Variants in APOOL observed in about 807,000 individuals in gnomAD.
APOOL encodes the protein MICOS complex subunit MIC27.
APOOL carries 12 observed loss-of-function variants against 23.1 expected under a neutral mutation model. That is an observed-to-expected ratio of 0.52 (90% CI 0.33 to 0.84). The LOEUF (loss-of-function observed/expected upper bound fraction) is 0.84, where lower values mean the gene tolerates loss of function less well. Ranked by LOEUF, APOOL falls within the 40% of genes least tolerant of loss-of-function variation. The pLI is 0.02. For synonymous variants in APOOL, 77 were observed against 69.9 expected (o/e 1.10, Z -0.51); for missense variants, 212 against 199.6 (o/e 1.06, Z -0.37).
Position 85,074,394 on chromosome X carries a change from T to G in APOOL, c.718+3T>G, listed in dbSNP as rs1391637718. The G allele has an allele frequency of 5.1e-5, 61 of 1,207,743 alleles. No homozygotes were observed. Among genetic ancestry groups the G allele is most frequent in the Non-Finnish European group, 6.7e-5 (60 of 894,045 alleles). ...GACCAAATCAGAATCCACTTCAGGT[T>G]TGTTGGGTATAAGTCAATTTTGTTT... On this transcript the variant is annotated splice_donor_region_variant and intron_variant, in intron 8 of 8. Coordinates refer to ENST00000373173, the MANE Select transcript of APOOL (RefSeq NM_198450.6).
At chrX:85,049,494 C>A (rs896513000) in intron 2 of APOOL, among the ~76,000 whole-genome samples, 4 of 111,591 alleles carry the variant, frequency 3.6e-5, no homozygotes, top group African/African-American at 1.3e-4. Flanking sequence ...AGATAAAGAA[C>A]CTGAACCCGT....
intron 5 of APOOL, among the ~76,000 whole-genome samples, chrX:85,061,094 T>G (rs1171748240): frequency 9.0e-6 from 1 of 111,292 alleles, no homozygotes; most frequent in Non-Finnish European, 1.9e-5. Flanking sequence ...GCATGAAGAT[T>G]TGTTGAATTT....
intron 1 of APOOL, among the ~76,000 whole-genome samples, chrX:85,034,877 G>A (rs1358026135): frequency 8.9e-6 from 1 of 111,816 alleles, no homozygotes; most frequent in Non-Finnish European, 1.9e-5. Flanking sequence ...GGGCACCTAG[G>A]TTTATTCCAT....
At chrX:85,038,524 G>GTTTTTTTTT (rs56248244) in intron 1 of APOOL, among the ~76,000 whole-genome samples, 4 of 43,445 alleles carry the variant, frequency 9.2e-5, no homozygotes, top group African/African-American at 4.3e-4. Context: ...TCTGGTACAA[G>GTTTTTTTTT]TTTTTTTTTT....
intron 1 of APOOL, among the ~76,000 whole-genome samples, chrX:85,014,229 A>T (rs1300568342): frequency 9.0e-6 from 1 of 111,101 alleles, no homozygotes; most frequent in Non-Finnish European, 1.9e-5. Context: ...GTGTTAAGTG[A>T]GTCTCAGCAA....
chrX:85,005,130 G>T (rs778533282), intron 1 of APOOL, among the ~76,000 whole-genome samples: 10 of 108,612 alleles, frequency 9.2e-5, no homozygotes, highest in Non-Finnish European at 1.9e-4. Context: ...GATCTCCCCA[G>T]TCTATTTTAT....
At chrX:85,032,758 A>C (rs2147483965) in intron 1 of APOOL, among the ~76,000 whole-genome samples, 1 of 111,641 alleles carries the variant, frequency 9.0e-6, no homozygotes, top group Non-Finnish European at 1.9e-5. Context: ...CTTTACCATT[A>C]ATATTGTATA....
At chrX:85,061,209 C>G (rs1169064212) in intron 5 of APOOL, among the ~76,000 whole-genome samples, 1 of 111,312 alleles carries the variant, frequency 9.0e-6, no homozygotes, top group Non-Finnish European at 1.9e-5. Flanking sequence ...GTTGAACCAG[C>G]CTTGCATCCC....
In APOOL at chrX:85,008,448, T is replaced by A. The variant is rs759132746; in HGVS notation, c.15+4521T>A. Among the ~76,000 whole-genome samples, 3 of 111,314 alleles carry A rather than the reference T, an allele frequency of 2.7e-5. No homozygotes were observed. In the South Asian group the frequency reaches 1.1e-3, roughly 42 times the overall value. ...TTTGTCTTTCTCTGTCTGACTTACT[T>A]CACTCAGCATAATACCCTTGAGGGT... On this transcript the variant is annotated intron_variant, in intron 1 of 8. Transcript: ENST00000373173.
intron 1 of APOOL, among the ~76,000 whole-genome samples, chrX:85,039,693 CT>C (rs1922344793): frequency 9.0e-6 from 1 of 111,288 alleles, no homozygotes; most frequent in South Asian, 3.8e-4. Flanking sequence ...GGTTTAAAGT[CT>C]TTTTTGTGTG....
In APOOL at chrX:85,072,681, A is replaced by G. The variant is rs189833152; in HGVS notation, c.487-1317A>G. 1.3e-3 allele frequency among the ~76,000 whole-genome samples: 143 copies of G among 111,513 alleles called. 3 individuals carry two copies. The East Asian group carries it at 0.031, about 25-fold the overall frequency. On this transcript the variant is annotated intron_variant, in intron 6 of 8. Coordinates refer to ENST00000373173, the MANE Select transcript of APOOL (RefSeq NM_198450.6). ...CAAATTGTGGTGCATACATTATAGA[A>G]TGCTAAACTAAGCAGCAAATTTAAA... is the stretch of plus-strand genomic sequence containing the variant.
chrX:85,029,923 T>C (rs1352233423), intron 1 of APOOL, among the ~76,000 whole-genome samples: 1 of 112,113 alleles, frequency 8.9e-6, no homozygotes. Flanking sequence ...TGTAAATTAG[T>C]ACAACCACTA....
chrX:85,035,552 T>C (rs1397073867), intron 1 of APOOL, among the ~76,000 whole-genome samples: 1 of 111,312 alleles, frequency 9.0e-6, no homozygotes, highest in Non-Finnish European at 1.9e-5. Context: ...TGGTATTTTC[T>C]AGCTTTTCTT....
intron 8 of APOOL, among the ~76,000 whole-genome samples, chrX:85,084,897 A>C (rs923562720): frequency 9.0e-6 from 1 of 111,024 alleles, no homozygotes; most frequent in African/African-American, 3.3e-5. Context: ...TAAAATAATT[A>C]TTTGTCACAT....
chrX:85,008,535 T>TGTGTGTGTGTGTGTG (rs1556356304), intron 1 of APOOL, among the ~76,000 whole-genome samples: 1 of 86,134 alleles, frequency 1.2e-5, no homozygotes, highest in South Asian at 7.1e-4. Flanking sequence ...TGATAACCCG[T>TGTGTGTGTGTGTGTG]TGTGTGTGTG....
Position 85,030,432 on chromosome X carries a change from AGGTG to A in APOOL, c.16-16013_16-16010del, listed in dbSNP as rs1421304174. On this transcript the variant is annotated intron_variant, in intron 1 of 8. Coordinates refer to ENST00000373173, the MANE Select transcript of APOOL (RefSeq NM_198450.6). Reference sequence around the variant, plus strand: ...GTATAATGTTCACTGCTCAGGTGACAGGTGCACTAAAATTTCTACTACATAATTC... The same window carrying A: ...GTATAATGTTCACTGCTCAGGTGACACACTAAAATTTCTACTACATAATTC... Among the ~76,000 whole-genome samples, 6 of 111,328 alleles carry A rather than the reference AGGTG, an allele frequency of 5.4e-5. No homozygotes were observed. In the East Asian group the frequency reaches 1.7e-3, roughly 32 times the overall value.
chrX:85,023,845 T>C, intron 1 of APOOL, among the ~76,000 whole-genome samples: 1 of 112,175 alleles, frequency 8.9e-6, no homozygotes, highest in Middle Eastern at 4.6e-3. Flanking sequence ...GGGTCAAAAC[T>C]TCCCGTTTAT....
At position 85,058,881 on chromosome X, in the gene APOOL, TTTA is replaced by T. The variant is rs766418878; in HGVS notation, c.394+2967_394+2969del. 1.3e-4 allele frequency among the ~76,000 whole-genome samples: 14 copies of T among 111,166 alleles called. No homozygotes were observed. The South Asian group carries it at 1.9e-3, about 15-fold the overall frequency. The stretch of plus-strand genomic sequence containing the variant: ...ACATGTATGTCTTCTTTTTTTTAAT[TTTA>T]TTATTATTATACTTTAAGTTTTAGG... On this transcript the variant is annotated intron_variant, in intron 5 of 8. Transcript: ENST00000373173.
At chrX:85,071,981 G>A (rs1342645461) in intron 6 of APOOL, among the ~76,000 whole-genome samples, 1 of 111,456 alleles carries the variant, frequency 9.0e-6, no homozygotes, top group Non-Finnish European at 1.9e-5. Context: ...GGTGGCGTGC[G>A]CCTGTAGTCC....
Sources: gnomAD v4.1 joint callset for allele counts (sites outside exome capture counted in the v4.1 genomes callset) on GRCh38, gnomAD v4.1.1 for gene constraint, MANE v1.5 for transcripts, NCBI Gene and HGNC (gene_info 2026-07-23, HGNC 2026-07-21) for gene names.